Variants in MRGPRX3 observed in about 807,000 individuals in gnomAD.
The protein encoded by MRGPRX3 is mas-related G protein-coupled receptor member X3.
MRGPRX3 carries 14 observed loss-of-function variants against 16.5 expected under a neutral mutation model. That is an observed-to-expected ratio of 0.85 (90% confidence interval 0.56 to 1.33). The LOEUF is 1.33. Ranked by LOEUF, MRGPRX3 falls within the 40% of genes most tolerant of loss-of-function variation. The pLI, the probability that MRGPRX3 is intolerant of heterozygous loss-of-function variation, is 0.00. For missense variants in MRGPRX3, 449 were observed against 413.0 expected, an observed-to-expected ratio of 1.09 and a Z score of -0.76; for synonymous variants, 199 against 180.1, an observed-to-expected ratio of 1.10 and a Z score of -0.84.
chr11:18,134,847 C>T (rs1323249515), intron 1 of MRGPRX3, among the ~76,000 whole-genome samples: 1 of 152,224 alleles, frequency 6.6e-6, no homozygotes, highest in African/African-American at 2.4e-5. Context: ...CTTAACAGCA[C>T]CTGCTCATGG....
At chr11:18,124,206 C>T (rs1300178221) in intron 1 of MRGPRX3, among the ~76,000 whole-genome samples, 1 of 152,184 alleles carries the variant, frequency 6.6e-6, no homozygotes, top group Non-Finnish European at 1.5e-5. Flanking sequence ...ATTGCCCTAG[C>T]CAGAACTTCC....
At chr11:18,126,943 A>T (rs1419503271) in intron 1 of MRGPRX3, among the ~76,000 whole-genome samples, 1 of 152,226 alleles carries the variant, frequency 6.6e-6, no homozygotes, top group Non-Finnish European at 1.5e-5. Flanking sequence ...ATAGTGCCAC[A>T]ATAAACATAT....
In MRGPRX3 at chr11:18,135,689, A is replaced by C. The variant is rs201403834; in HGVS notation, c.-25-1489A>C. Among the ~76,000 whole-genome samples, 4 of 151,808 alleles carry C rather than the reference A, an allele frequency of 2.6e-5. No individual in the cohort carries two copies. The East Asian group carries it at 7.7e-4, about 29-fold the overall frequency. Reference sequence around the variant, plus strand: ...AGGTTAATTTTTTTTTTCAGCCCACAATTTTGACTGTCAACTTGGATTTAA... The same window carrying C: ...AGGTTAATTTTTTTTTTCAGCCCACCATTTTGACTGTCAACTTGGATTTAA... On this transcript the variant is annotated intron_variant, in intron 1 of 1. Coordinates refer to ENST00000621697, the MANE Select transcript of MRGPRX3 (RefSeq NM_001370464.1).
At position 18,138,211 on chromosome 11, in the gene MRGPRX3, A is replaced by G; in HGVS notation, c.*40A>G. On this transcript the variant is annotated 3_prime_UTR_variant, in exon 2 of 2. Coordinates refer to ENST00000621697, the MANE Select transcript of MRGPRX3 (RefSeq NM_001370464.1). ...CCTGTCAGACAGGACTTTGAGAGCAATGCTGCCCTGCCACCCTTGACAATT... is the reference window on the plus strand; with the variant it reads ...CCTGTCAGACAGGACTTTGAGAGCAGTGCTGCCCTGCCACCCTTGACAATT... The G allele has an allele frequency of 6.5e-7, 1 of 1,548,234 alleles. No homozygotes were observed. The highest frequency in any genetic ancestry group is 8.7e-7 in the Non-Finnish European group (1 of 1,150,948).
At chr11:18,123,131 G>C (rs1389640197) in intron 1 of MRGPRX3, among the ~76,000 whole-genome samples, 1 of 152,214 alleles carries the variant, frequency 6.6e-6, no homozygotes, top group African/African-American at 2.4e-5. Flanking sequence ...CTCCCATTCT[G>C]TAGGTTGCCT....
At chr11:18,123,146 G>A (rs1564878895) in intron 1 of MRGPRX3, among the ~76,000 whole-genome samples, 4 of 152,256 alleles carry the variant, frequency 2.6e-5, no homozygotes, top group South Asian at 4.2e-4. Flanking sequence ...TTGCCTGTTT[G>A]CTCTGATGGT....
chr11:18,130,651 C>T, upstream of MRGPRX3, among the ~76,000 whole-genome samples: 1 of 127,726 alleles, frequency 7.8e-6, no homozygotes, highest in East Asian at 2.4e-4. Flanking sequence ...TCATTCTTCA[C>T]AGAACTAGAA....
chr11:18,126,453 C>T (rs180949487), intron 1 of MRGPRX3, among the ~76,000 whole-genome samples: 3 of 152,108 alleles, frequency 2.0e-5, no homozygotes, highest in African/African-American at 7.2e-5. Flanking sequence ...ACTTATGAAG[C>T]TTAGTTTGGC....
chr11:18,125,913 T>C (rs1848890441), intron 1 of MRGPRX3, among the ~76,000 whole-genome samples: 1 of 152,248 alleles, frequency 6.6e-6, no homozygotes, highest in African/African-American at 2.4e-5. Context: ...TAGCTCTTCT[T>C]GTTGAATTGA....
chr11:18,127,298 C>T (rs1044216752), intron 1 of MRGPRX3, among the ~76,000 whole-genome samples: 6 of 152,150 alleles, frequency 3.9e-5, no homozygotes, highest in Admixed American at 1.3e-4. Context: ...TCTGTATTTC[C>T]TGAATCTGAA....
upstream of MRGPRX3, among the ~76,000 whole-genome samples, chr11:18,131,960 A>G (rs1342362022): frequency 2.0e-5 from 3 of 152,170 alleles, no homozygotes; most frequent in Admixed American, 1.3e-4. Flanking sequence ...TACAGTGTAC[A>G]CTGCTCAGGT....
At chr11:18,126,445 T>C in intron 1 of MRGPRX3, among the ~76,000 whole-genome samples, 1 of 152,186 alleles carries the variant, frequency 6.6e-6, no homozygotes, top group Middle Eastern at 3.2e-3. Flanking sequence ...TCTCCTTCAC[T>C]TATGAAGCTT....
upstream of MRGPRX3, among the ~76,000 whole-genome samples, chr11:18,128,490 C>G (rs1214933316): frequency 6.6e-6 from 1 of 152,240 alleles, no homozygotes; most frequent in Non-Finnish European, 1.5e-5. Context: ...GGCACCCCTC[C>G]CCTAGCCTCA....
At position 18,137,660 on chromosome 11, in the gene MRGPRX3, G is replaced by A. The variant is rs1564882283; in HGVS notation, c.458G>A (p.Arg153Gln). The A allele has an allele frequency of 5.6e-6, 9 of 1,613,990 alleles. No homozygotes were observed. Among genetic ancestry groups the A allele is most frequent in the Admixed American group, 3.3e-5 (2 of 59,988 alleles). The change falls in exon 2 of 2, where the codon CGG becomes CAG. Residue 153 changes from arginine (R) to glutamine (Q), a missense_variant. Arg to Gln is a conservative substitution (Grantham distance 43, BLOSUM62 1). Transcript: ENST00000621697. ...CVLLWALSLLRSILEWMFCDF... is the reference protein window; with the variant it reads ...CVLLWALSLLQSILEWMFCDF... ...CTGCTCTGGGCCCTGTCCCTGCTGC[G>A]GAGTATCCTGGAGTGGATGTTCTGT...
chr11:18,122,973 C>T (rs1848855289), intron 1 of MRGPRX3, among the ~76,000 whole-genome samples: 1 of 152,108 alleles, frequency 6.6e-6, no homozygotes, highest in South Asian at 2.1e-4. Context: ...CTTTTGGCTG[C>T]ATAAATGTCT....
intron 1 of MRGPRX3, among the ~76,000 whole-genome samples, chr11:18,125,363 T>A (rs1848882840): frequency 6.6e-6 from 1 of 152,332 alleles, no homozygotes; most frequent in African/African-American, 2.4e-5. Context: ...GCTTTGGGTG[T>A]GTCCCAGAGA....
chr11:18,126,490 T>C (rs879538551), intron 1 of MRGPRX3, among the ~76,000 whole-genome samples: 11 of 152,282 alleles, frequency 7.2e-5, no homozygotes, highest in South Asian at 6.2e-4. Context: ...GGTTGAAAAT[T>C]CTTTTCTTTT....
intron 1 of MRGPRX3, among the ~76,000 whole-genome samples, chr11:18,125,025 G>A (rs1287770778): frequency 3.9e-5 from 6 of 152,118 alleles, no homozygotes; most frequent in East Asian, 1.9e-4. Context: ...CTGTGGGATC[G>A]ATGGTGATAT....
At chr11:18,126,760 C>T (rs973520273) in intron 1 of MRGPRX3, among the ~76,000 whole-genome samples, 6 of 151,934 alleles carry the variant, frequency 3.9e-5, no homozygotes, top group East Asian at 1.9e-4. Flanking sequence ...TTTGTCTTTG[C>T]GATAGTTTGC....
Sources: gnomAD v4.1 joint callset for allele counts (sites outside exome capture counted in the v4.1 genomes callset) on GRCh38, gnomAD v4.1.1 for gene constraint, MANE v1.5 for transcripts, NCBI Gene and HGNC (gene_info 2026-07-23, HGNC 2026-07-21) for gene names.